The following DRAXIN variants were observed in gnomAD, a reference collection of about 807,000 sequenced individuals.
The protein encoded by DRAXIN is dorsal inhibitory axon guidance protein, also known as dorsal repulsive axon guidance protein.
A neutral mutation model predicts 33.9 loss-of-function variants in DRAXIN; 27 were observed. The observed-to-expected ratio is 0.80, with a 90% CI of 0.59 to 1.10. DRAXIN has a LOEUF of 1.10. Ranked by LOEUF, DRAXIN falls within the 50% of genes least tolerant of loss-of-function variation. DRAXIN has a pLI of 0.00. For missense variants in DRAXIN, 371 were observed against 460.8 expected (o/e 0.81, Z 1.78); for synonymous variants, 178 against 194.0 (o/e 0.92, Z 0.69).
intron 1 of DRAXIN, among the ~76,000 whole-genome samples, chr1:11,703,981 C>G (rs944950420): frequency 6.6e-6 from 1 of 152,120 alleles, no homozygotes; most frequent in Admixed American, 6.6e-5. Context: ...TCCTCCAAGA[C>G]CAGCACCTAG....
At chr1:11,712,201 A>G in intron 4 of DRAXIN, 139 bp from the exon 5 acceptor site, 2 of 1,035,076 alleles carry the variant, frequency 1.9e-6, no homozygotes, top group East Asian at 2.4e-5. Flanking sequence ...CCTGAGGGAA[A>G]ATACCTGTTA....
chr1:11,687,130 A>G (rs534425514), upstream of DRAXIN, among the ~76,000 whole-genome samples: 2 of 152,230 alleles, frequency 1.3e-5, no homozygotes, highest in South Asian at 2.1e-4. The surrounding 1 kb of genome is among the most constrained non-coding windows in gnomAD (Gnocchi z 4.1). Flanking sequence ...CAGTGACGCA[A>G]TCACAGCTCA....
chr1:11,691,585 C>G (rs752940), upstream of DRAXIN: 29,092 of 151,346 alleles, frequency 0.19, 4,920 homozygotes, highest in African/African-American at 0.46. Context: ...GGGTGCGCGC[C>G]GGGCCCGGCC....
At chr1:11,711,996 C>A (rs1395205103) in intron 4 of DRAXIN, 31 bp downstream of exon 4, 1 of 1,583,322 alleles carries the variant, frequency 6.3e-7, no homozygotes, top group Non-Finnish European at 8.6e-7. Context: ...ATCTTCCATG[C>A]CTGGGTGCCC....
chr1:11,722,175 A>T lies in DRAXIN; in HGVS notation c.*2479A>T, dbSNP rs1182690089. 6.6e-6 allele frequency: 1 copy of T among 152,278 alleles called. No individual in the cohort carries two copies. The highest frequency in any genetic ancestry group is 1.5e-5 in the Non-Finnish European group (1 of 68,080). The allele number at this position is 152,278 out of a possible 1,614,324, so 9.4% of individuals were successfully genotyped here. On this transcript the variant is annotated 3_prime_UTR_variant, in exon 7 of 7. Transcript: ENST00000294485. ...AGATCTGCCAGCAGCTTCGTACTTGAGACCAGACAACCCACACATGCTGTG... is the reference window on the plus strand; with the variant it reads ...AGATCTGCCAGCAGCTTCGTACTTGTGACCAGACAACCCACACATGCTGTG...
chr1:11,698,835 G>T (rs1178287187), intron 1 of DRAXIN, among the ~76,000 whole-genome samples: 3 of 152,288 alleles, frequency 2.0e-5, no homozygotes. Flanking sequence ...AGCCTGTAGG[G>T]CAGAGCAAGA....
At chr1:11,708,540 G>GC (rs1641426447) in intron 2 of DRAXIN, among the ~76,000 whole-genome samples, 5 of 152,176 alleles carry the variant, frequency 3.3e-5, no homozygotes, top group African/African-American at 1.2e-4. Context: ...GAACCCTGGA[G>GC]GCAGAGGTTG....
intron 2 of DRAXIN, among the ~76,000 whole-genome samples, chr1:11,708,512 G>A (rs927945967): frequency 1.3e-5 from 2 of 152,244 alleles, no homozygotes; most frequent in African/African-American, 4.8e-5. Context: ...TCAGGAGGCT[G>A]AGGTGGGAGA....
chr1:11,718,761 C>A (rs1641617196), intron 6 of DRAXIN, among the ~76,000 whole-genome samples: 1 of 152,180 alleles, frequency 6.6e-6, no homozygotes, highest in East Asian at 1.9e-4. Context: ...AGCCACCGTA[C>A]CCTGTGGACT....
upstream of DRAXIN, among the ~76,000 whole-genome samples, chr1:11,691,200 C>A (rs981674313): frequency 1.3e-5 from 2 of 151,810 alleles, no homozygotes; most frequent in East Asian, 2.0e-4. Context: ...ACAGTCTAGG[C>A]GGAATAATCC....
rs369641511 is a variant in DRAXIN, at chr1:11,715,068, G to A, written c.848-51G>A. 4,025 of 1,599,560 alleles carry A rather than the reference G, an allele frequency of 2.5e-3. 14 individuals carry two copies. The highest frequency in any genetic ancestry group is 2.4e-3 in the Non-Finnish European group (2,749 of 1,167,136). ...CCAGTGGGACCGAGTGCAGGGCTGC[G>A]GGGAGGGGCGGCTCAGCTTGGCTGA... is the stretch of plus-strand genomic sequence containing the variant. On this transcript the variant is annotated intron_variant, in intron 5 of 6. Coordinates refer to ENST00000294485, the MANE Select transcript of DRAXIN (RefSeq NM_198545.4).
rs984051232 is a variant in DRAXIN at position 11,721,639 on chromosome 1, G to T, written c.*1943G>T. ...AGTTTGATGGGCATGGGAACCTTGT[G>T]GGGAGGGAGCAGGGAGGGCAGGGGA... On this transcript the variant is annotated 3_prime_UTR_variant, in exon 7 of 7. Transcript: ENST00000294485. The T allele has an allele frequency of 9.8e-5, 15 of 152,442 alleles. No individual in the cohort carries two copies. The highest frequency in any genetic ancestry group is 3.4e-4 in the African/African-American group (14 of 41,444). 9.4% of individuals were successfully genotyped at this position (152,442 alleles called of 1,614,324 possible). A position where few individuals can be genotyped will look rare whatever the true frequency, so the allele number is the denominator to read the frequency against.
At chr1:11,702,747 C>CTTTTT (rs33972819) in intron 1 of DRAXIN, among the ~76,000 whole-genome samples, 1 of 145,550 alleles carries the variant, frequency 6.9e-6, no homozygotes. Flanking sequence ...GGTATGAATT[C>CTTTTT]TTTTTTTTTT....
rs1641644295 is a variant in DRAXIN at position 11,720,444 on chromosome 1, T to A, written c.*748T>A. On this transcript the variant is annotated 3_prime_UTR_variant, in exon 7 of 7. Coordinates refer to ENST00000294485, the MANE Select transcript of DRAXIN (RefSeq NM_198545.4). The stretch of plus-strand genomic sequence containing the variant: ...CCCGTCTCTATTAAAAATACAAAAA[T>A]TAGGCCAGGCGCGGTGGTGCACACC... 6.6e-6 allele frequency: 1 copy of A among 151,770 alleles called. No individual in the cohort carries two copies. Among genetic ancestry groups the A allele is most frequent in the African/African-American group, 2.4e-5 (1 of 41,268 alleles). 9.4% of individuals were successfully genotyped at this position (151,770 alleles called of 1,614,324 possible).
At chr1:11,709,912 C>T (rs145689501) in intron 3 of DRAXIN, among the ~76,000 whole-genome samples, 79 of 152,302 alleles carry the variant, frequency 5.2e-4, no homozygotes, top group South Asian at 4.1e-3. Context: ...GTGGGCTGGG[C>T]GCGGTGGCTC....
At chr1:11,715,231 G>C in intron 6 of DRAXIN, 23 bp downstream of exon 6, 1 of 1,614,066 alleles carries the variant, frequency 6.2e-7, no homozygotes, top group Non-Finnish European at 8.5e-7. Flanking sequence ...TCCTTTGCGG[G>C]GGGCTACCCA....
intron 4 of DRAXIN, 96 bp downstream of exon 4, chr1:11,712,061 T>C (rs1433892238): frequency 1.7e-6 from 2 of 1,197,970 alleles, no homozygotes; most frequent in African/African-American, 3.0e-5. Flanking sequence ...TGTCTGATCT[T>C]CAGATGTCCA....
rs186738928 is a variant in DRAXIN, at chr1:11,692,362, G to A, written c.-11+509G>A. Among the ~76,000 whole-genome samples, 10 of 152,092 alleles carry A rather than the reference G, an allele frequency of 6.6e-5. No homozygotes were observed. The East Asian group carries it at 2.0e-3, about 30-fold the overall frequency. ...GCGGGCGTGCCCTCCAGCCCCTTTC[G>A]AGGCCGCCCAGGAGGCTGGGGTGTG... is the stretch of plus-strand genomic sequence containing the variant. On this transcript the variant is annotated intron_variant, in intron 1 of 6. Transcript: ENST00000294485. This position sits in a 1 kb window ranked among gnomAD's most constrained non-coding sequence, Gnocchi z 5.8.
intron 1 of DRAXIN, among the ~76,000 whole-genome samples, chr1:11,698,319 C>G (rs543968613): frequency 2.6e-5 from 4 of 152,158 alleles, no homozygotes; most frequent in African/African-American, 9.7e-5. Flanking sequence ...AAGAAAATTA[C>G]CCACTTTCCA....
Sources: gnomAD v4.1 joint callset for allele counts (sites outside exome capture counted in the v4.1 genomes callset) on GRCh38, gnomAD v4.1.1 for gene constraint, Gnocchi (gnomAD v3.1) non-coding constraint, MANE v1.5 for transcripts, NCBI Gene and HGNC (gene_info 2026-07-23, HGNC 2026-07-21) for gene names.